PHACTR1: variants seen among roughly 807,000 people sequenced by gnomAD.
PHACTR1 encodes RPEL repeat containing 1.
A neutral mutation model predicts 69.2 loss-of-function variants in PHACTR1; 16 were observed. The observed-to-expected ratio is 0.23, with a 90% CI of 0.16 to 0.35. The LOEUF (loss-of-function observed/expected upper bound fraction) is 0.35. PHACTR1 is among the 10% of genes least tolerant of loss of function. The pLI is 1.00. For missense variants in PHACTR1, 510 were observed against 734.7 expected, an observed-to-expected ratio of 0.69 and a Z score of 3.54; for synonymous variants, 312 against 284.5, an observed-to-expected ratio of 1.10 and a Z score of -0.97.
In PHACTR1 at chr6:12,959,172, A is replaced by G. The variant is rs1474290807; in HGVS notation, c.251-94193A>G. 4.8e-5 allele frequency among the ~76,000 whole-genome samples: 5 copies of G among 104,474 alleles called. No homozygotes were observed. In the South Asian group the frequency reaches 1.4e-3, roughly 29 times the overall value. The allele number at this position is 104,474 out of a possible 152,430, so 68.5% of individuals were successfully genotyped here. ...TGCCTGGGTGATAGAGTGAGACTTT[A>G]TCTCAAAAAAAAAAAAAAAAAAAGA... On this transcript the variant is annotated intron_variant, in intron 4 of 14. Coordinates refer to ENST00000332995, the MANE Select transcript of PHACTR1 (RefSeq NM_030948.6).
intron 5 of PHACTR1, among the ~76,000 whole-genome samples, chr6:13,152,281 T>G (rs995770494): frequency 1.3e-5 from 2 of 151,312 alleles, no homozygotes; most frequent in African/African-American, 2.4e-5. Context: ...TGGCAGTGTG[T>G]CAAGATCGAG....
chr6:12,822,950 C>T (rs1391296413), intron 4 of PHACTR1, among the ~76,000 whole-genome samples: 1 of 152,110 alleles, frequency 6.6e-6, no homozygotes, highest in Non-Finnish European at 1.5e-5. Context: ...ACATCTGGGT[C>T]AGGGATATGA....
rs115110044 is a variant in PHACTR1 at position 13,209,309 on chromosome 6, T to C, written c.986+3173T>C. On this transcript the variant is annotated intron_variant, in intron 8 of 14. Transcript: ENST00000332995. ...CTCCCTGTTGCCTGTCAACATGATT[T>C]CATTCTTGTTCTAACCAAGTTTTAT... 4.9e-3 allele frequency among the ~76,000 whole-genome samples: 741 copies of C among 152,354 alleles called. 7 individuals carry two copies. The highest frequency in any genetic ancestry group is 0.017 in the African/African-American group (718 of 41,576).
At chr6:13,011,878 T>A (rs1486268604) in intron 4 of PHACTR1, among the ~76,000 whole-genome samples, 2 of 152,248 alleles carry the variant, frequency 1.3e-5, no homozygotes, top group Non-Finnish European at 2.9e-5. Context: ...GTAAATTCCC[T>A]GGTGCACTCA....
At chr6:13,090,960 A>C (rs1318728804) in intron 5 of PHACTR1, among the ~76,000 whole-genome samples, 1 of 151,336 alleles carries the variant, frequency 6.6e-6, no homozygotes, top group Non-Finnish European at 1.5e-5. Context: ...ACAACTCACC[A>C]TAAAGTAGAA....
At chr6:12,756,703 G>A (rs556463905) in intron 4 of PHACTR1, among the ~76,000 whole-genome samples, 1 of 152,246 alleles carries the variant, frequency 6.6e-6, no homozygotes, top group East Asian at 1.9e-4. Context: ...CAAATACTTG[G>A]GCTGTAACTG....
chr6:12,891,365 G>A (rs1242072139), intron 4 of PHACTR1, among the ~76,000 whole-genome samples: 8 of 152,074 alleles, frequency 5.3e-5, no homozygotes. Context: ...TTATTCAAAT[G>A]TGAGTTGGAA....
At chr6:12,743,796 C>T (rs1400025909) in intron 3 of PHACTR1, among the ~76,000 whole-genome samples, 1 of 152,150 alleles carries the variant, frequency 6.6e-6, no homozygotes, top group East Asian at 1.9e-4. Context: ...CAGCTCTGCA[C>T]CAAGTGGACC....
At chr6:13,174,158 T>C (rs1305034268) in intron 6 of PHACTR1, among the ~76,000 whole-genome samples, 1 of 152,216 alleles carries the variant, frequency 6.6e-6, no homozygotes, top group East Asian at 1.9e-4. Flanking sequence ...GGAAGCACCT[T>C]AGACTCTCCA....
At chr6:13,080,837 A>C (rs13204304) in intron 5 of PHACTR1, among the ~76,000 whole-genome samples, 25,843 of 152,186 alleles carry the variant, frequency 0.17, 2,833 homozygotes, top group South Asian at 0.39. Context: ...CCTAAATTTT[A>C]TGTCATCCTA....
chr6:12,971,079 C>T (rs1316946731), intron 4 of PHACTR1, among the ~76,000 whole-genome samples: 1 of 152,124 alleles, frequency 6.6e-6, no homozygotes. Flanking sequence ...TCCTGTTATT[C>T]ATTGCAATAC....
At chr6:13,005,333 T>C (rs1016574600) in intron 4 of PHACTR1, among the ~76,000 whole-genome samples, 16 of 152,134 alleles carry the variant, frequency 1.1e-4, no homozygotes, top group Non-Finnish European at 2.2e-4. Context: ...TCTATATATA[T>C]ATCCACATGC....
At chr6:13,218,377 A>G (rs1357091189) in intron 8 of PHACTR1, among the ~76,000 whole-genome samples, 1 of 152,190 alleles carries the variant, frequency 6.6e-6, no homozygotes, top group African/African-American at 2.4e-5. Context: ...TTGAAAAGGG[A>G]GTGCCTCTTA....
intron 3 of PHACTR1, among the ~76,000 whole-genome samples, chr6:12,719,904 T>G (rs899510695): frequency 6.6e-6 from 1 of 152,204 alleles, no homozygotes; most frequent in Non-Finnish European, 1.5e-5. Flanking sequence ...CCAGTCTTCT[T>G]AAAGTCAAGA....
intron 10 of PHACTR1, among the ~76,000 whole-genome samples, chr6:13,257,783 C>T (rs1054583779): frequency 6.6e-6 from 1 of 152,128 alleles, no homozygotes; most frequent in Non-Finnish European, 1.5e-5. Flanking sequence ...CCTATTGAAG[C>T]AGCCTCCTTC....
intron 4 of PHACTR1, among the ~76,000 whole-genome samples, chr6:12,825,762 G>T (rs1428019728): frequency 6.6e-6 from 1 of 152,044 alleles, no homozygotes; most frequent in Non-Finnish European, 1.5e-5. Flanking sequence ...CAGTTCCTCT[G>T]CAGGTCTGGT....
intron 4 of PHACTR1, among the ~76,000 whole-genome samples, chr6:12,883,518 C>CT (rs149392183): frequency 1.7e-3 from 238 of 141,166 alleles, no homozygotes; most frequent in East Asian, 0.013. Context: ...CCCGTCCAAG[C>CT]TTTTTTTTTT....
chr6:13,161,507 G>T (rs915761348), intron 6 of PHACTR1, among the ~76,000 whole-genome samples: 2 of 151,190 alleles, frequency 1.3e-5, no homozygotes, highest in Non-Finnish European at 1.5e-5. Flanking sequence ...GGTGTTATCT[G>T]GTGGGCCAGA....
chr6:12,939,066 T>C (rs1789791025), intron 4 of PHACTR1, among the ~76,000 whole-genome samples: 1 of 152,234 alleles, frequency 6.6e-6, no homozygotes, highest in Non-Finnish European at 1.5e-5. Context: ...TATTACATAA[T>C]ACAGCTTTTC....
Sources: allele counts gnomAD v4.1 joint callset (sites outside exome capture counted in the v4.1 genomes callset), GRCh38; gene constraint gnomAD v4.1.1; transcripts MANE v1.5; gene names NCBI Gene and HGNC (gene_info 2026-07-23, HGNC 2026-07-21).